Variants in PIGK observed in about 807,000 individuals in gnomAD.
The protein encoded by PIGK is phosphatidylinositol glycan anchor biosynthesis class K.
PIGK carries 42 observed loss-of-function variants against 50.6 expected under a neutral mutation model. That is an observed-to-expected ratio of 0.83 (90% CI 0.65 to 1.07). PIGK has a LOEUF of 1.07. Ranked by LOEUF, PIGK falls within the 50% of genes least tolerant of loss-of-function variation. The pLI, the probability that PIGK is intolerant of heterozygous loss-of-function variation, is 0.00. For missense variants in PIGK, 448 were observed against 488.7 expected, an observed-to-expected ratio of 0.92 and a Z score of 0.78; for synonymous variants, 151 against 156.0, an observed-to-expected ratio of 0.97 and a Z score of 0.24.
At chr1:77,182,488 C>T (rs1251476805) in intron 3 of PIGK, among the ~76,000 whole-genome samples, 1 of 151,564 alleles carries the variant, frequency 6.6e-6, no homozygotes, top group Non-Finnish European at 1.5e-5. Flanking sequence ...AACACCCTCG[C>T]AGACACACCC....
intron 6 of PIGK, among the ~76,000 whole-genome samples, chr1:77,163,438 T>C (rs895978625): frequency 6.6e-6 from 1 of 152,120 alleles, no homozygotes; most frequent in Non-Finnish European, 1.5e-5. Context: ...AATTTTATGC[T>C]AATCATAATT....
intron 3 of PIGK, among the ~76,000 whole-genome samples, chr1:77,190,079 G>A (rs1216000338): frequency 6.6e-6 from 1 of 151,866 alleles, no homozygotes; most frequent in Non-Finnish European, 1.5e-5. Context: ...CTGAAACTAA[G>A]AGAACTGCCA....
At chr1:77,127,240 TG>T (rs1351688271) in intron 9 of PIGK, among the ~76,000 whole-genome samples, 1 of 152,194 alleles carries the variant, frequency 6.6e-6, no homozygotes, top group Admixed American at 6.5e-5. Context: ...TTCTCTTTCA[TG>T]TTTATCCAGT....
At chr1:77,174,418 T>C (rs76150268) in intron 3 of PIGK, among the ~76,000 whole-genome samples, 4,624 of 152,320 alleles carry the variant, frequency 0.03, 92 homozygotes, top group Non-Finnish European at 0.046. Context: ...GAATTAAAAG[T>C]GGATAGATCC....
chr1:77,137,186 A>G (rs529551924), intron 9 of PIGK, among the ~76,000 whole-genome samples: 4 of 152,316 alleles, frequency 2.6e-5, no homozygotes, highest in African/African-American at 9.6e-5. Context: ...AAAGGACCAC[A>G]TGGGAGCTGA....
chr1:77,204,218 C>T (rs1487507300), intron 3 of PIGK, among the ~76,000 whole-genome samples: 6 of 152,062 alleles, frequency 3.9e-5, no homozygotes, highest in Non-Finnish European at 5.9e-5. Context: ...CTAAAATGGC[C>T]ACTCTGGGAA....
intron 9 of PIGK, among the ~76,000 whole-genome samples, chr1:77,144,412 T>C (rs1230503258): frequency 6.6e-6 from 1 of 151,982 alleles, no homozygotes; most frequent in Non-Finnish European, 1.5e-5. Flanking sequence ...TATCATATGA[T>C]TTGTAGATTT....
chr1:77,164,134 TAGC>T (rs1655186137), intron 5 of PIGK, among the ~76,000 whole-genome samples, 192 bp from the exon 6 acceptor site: 1 of 152,162 alleles, frequency 6.6e-6, no homozygotes, highest in African/African-American at 2.4e-5. Flanking sequence ...CTATATAAAA[TAGC>T]AGATATAATA....
intron 3 of PIGK, among the ~76,000 whole-genome samples, chr1:77,182,510 A>G: frequency 8.9e-6 from 1 of 112,300 alleles, no homozygotes; most frequent in East Asian, 2.3e-4. Flanking sequence ...GGATCAATCT[A>G]TCTATCTATC....
At chr1:77,134,604 A>T (rs2100538059) in intron 9 of PIGK, among the ~76,000 whole-genome samples, 1 of 152,308 alleles carries the variant, frequency 6.6e-6, no homozygotes, top group African/African-American at 2.4e-5. Flanking sequence ...TTGGCGAATG[A>T]TTACAGAGAA....
intron 3 of PIGK, among the ~76,000 whole-genome samples, chr1:77,176,332 T>C (rs895927166): frequency 1.8e-4 from 27 of 152,210 alleles, no homozygotes; most frequent in Admixed American, 1.8e-3. Context: ...TTATTTGACA[T>C]GTTATTTGGG....
At chr1:77,195,783 AATCTAGATATTTATAT>A (rs1350810994) in intron 3 of PIGK, among the ~76,000 whole-genome samples, 4 of 152,050 alleles carry the variant, frequency 2.6e-5, no homozygotes, top group Non-Finnish European at 5.9e-5. Context: ...GAATATATAG[AATCTAGATATTTATAT>A]ATCTATATAT....
intron 10 of PIGK, among the ~76,000 whole-genome samples, chr1:77,096,188 T>C (rs1653401483): frequency 1.3e-5 from 2 of 152,138 alleles, no homozygotes. Context: ...GATGACATAA[T>C]TTTGTAACAG....
At chr1:77,118,834 T>C (rs1317370039) in intron 10 of PIGK, among the ~76,000 whole-genome samples, 1 of 152,206 alleles carries the variant, frequency 6.6e-6, no homozygotes, top group African/African-American at 2.4e-5. Context: ...GTCCACTTGA[T>C]TGGACTGAAG....
intron 6 of PIGK, 74 bp from the exon 7 acceptor site, chr1:77,161,785 T>G (rs905095951): frequency 1.4e-6 from 1 of 737,822 alleles, no homozygotes; most frequent in Non-Finnish European, 2.5e-6. Context: ...ACAATACTTT[T>G]GTAAGATGTT....
intron 10 of PIGK, among the ~76,000 whole-genome samples, chr1:77,096,891 T>TTTG (rs1553179354): frequency 1.5e-5 from 2 of 137,530 alleles, no homozygotes; most frequent in African/African-American, 2.7e-5. Flanking sequence ...CTTTTTTTTT[T>TTTG]TTTTTTGTTT....
intron 1 of PIGK, among the ~76,000 whole-genome samples, chr1:77,217,667 G>C (rs1298464838): frequency 6.6e-6 from 1 of 152,102 alleles, no homozygotes; most frequent in East Asian, 1.9e-4. Flanking sequence ...AAAACATTTA[G>C]GAAACTGTTG....
intron 10 of PIGK, among the ~76,000 whole-genome samples, chr1:77,094,120 G>T (rs1653358054): frequency 6.6e-6 from 1 of 152,088 alleles, no homozygotes; most frequent in Non-Finnish European, 1.5e-5. Context: ...ACACAAAAGG[G>T]TTGAAAATGT....
At position 77,089,996 on chromosome 1, in the gene PIGK, A is replaced by G. The variant is rs1653260115; in HGVS notation, c.*2378T>C. On this transcript the variant is annotated 3_prime_UTR_variant, in exon 11 of 11. Coordinates refer to ENST00000370812, the MANE Select transcript of PIGK (RefSeq NM_005482.3). ...AAAGAGAACAAGAATCACATTGAGT[A>G]GCTTAGAAAGCTACATAAGTGCACT... 6.6e-6 allele frequency: 1 copy of G among 152,246 alleles called. No homozygotes were observed. Among genetic ancestry groups the G allele is most frequent in the South Asian group, 2.1e-4 (1 of 4,832 alleles). 9.4% of individuals were successfully genotyped at this position (152,246 alleles called of 1,614,324 possible).
Sources: gnomAD v4.1 joint callset for allele counts (sites outside exome capture counted in the v4.1 genomes callset) on GRCh38, gnomAD v4.1.1 for gene constraint, MANE v1.5 for transcripts, NCBI Gene and HGNC (gene_info 2026-07-23, HGNC 2026-07-21) for gene names.